ARHGAP21: variants seen among roughly 807,000 people sequenced by gnomAD.
ARHGAP21 encodes the protein Rho GTPase activating protein 21.
A neutral mutation model predicts 164.6 loss-of-function variants in ARHGAP21; 38 were observed. The ratio of observed to expected loss-of-function variants is 0.23; its 90% CI spans 0.18 to 0.30. The LOEUF (loss-of-function observed/expected upper bound fraction) is 0.30. ARHGAP21 is among the 10% of genes least tolerant of loss of function. The pLI is 1.00. For synonymous variants in ARHGAP21, 766 were observed against 857.9 expected, an observed-to-expected ratio of 0.89 and a Z score of 1.87; for missense variants, 1,822 against 2,370.7, an observed-to-expected ratio of 0.77 and a Z score of 4.81.
At chr10:24,706,834 T>G (rs79843635) in intron 2 of ARHGAP21, among the ~76,000 whole-genome samples, 2,677 of 152,352 alleles carry the variant, frequency 0.018, 70 homozygotes, top group African/African-American at 0.054. Flanking sequence ...ACTGAGTATT[T>G]AACATTATTT....
intron 2 of ARHGAP21, among the ~76,000 whole-genome samples, chr10:24,681,211 A>C (rs189047294): frequency 1.2e-3 from 187 of 152,358 alleles, no homozygotes; most frequent in Admixed American, 2.4e-3. Context: ...GACTGCAATG[A>C]AAGTTTCACA....
At chr10:24,605,212 G>A (rs970640020) in intron 11 of ARHGAP21, among the ~76,000 whole-genome samples, 9 of 152,144 alleles carry the variant, frequency 5.9e-5, no homozygotes, top group South Asian at 2.1e-4. Context: ...ACAGGGCACC[G>A]ATCACTTGCA....
intron 2 of ARHGAP21, among the ~76,000 whole-genome samples, chr10:24,686,670 T>C (rs148257683): frequency 7.9e-5 from 12 of 152,306 alleles, no homozygotes; most frequent in African/African-American, 2.6e-4. Context: ...TAGGAGCTGT[T>C]TAAATTTTTT....
At chr10:24,698,134 A>T (rs1339642482) in intron 2 of ARHGAP21, among the ~76,000 whole-genome samples, 6 of 152,170 alleles carry the variant, frequency 3.9e-5, no homozygotes, top group Admixed American at 2.0e-4. Flanking sequence ...ATTGAAAGTC[A>T]CTATGAATGG....
intron 2 of ARHGAP21, among the ~76,000 whole-genome samples, chr10:24,693,338 CTTT>C (rs1298784170): frequency 1.4e-5 from 2 of 146,238 alleles, no homozygotes; most frequent in Admixed American, 6.9e-5. Context: ...AAATCTAAAA[CTTT>C]TTTTTTTTTT....
At chr10:24,682,358 G>T (rs1593272781) in intron 2 of ARHGAP21, among the ~76,000 whole-genome samples, 1 of 152,196 alleles carries the variant, frequency 6.6e-6, no homozygotes. Flanking sequence ...AGGTGATGGA[G>T]CTAGCCCATG....
In ARHGAP21 at chr10:24,621,282, G is replaced by A. The variant is rs1834516928; in HGVS notation, c.613C>T (p.Pro205Ser). Reference sequence around the variant, plus strand: ...GCTGATGGGGCAGATGGCAGCCAGGGATAGCAGATTGGTGGAGGTTCAGGT... The same window carrying A: ...GCTGATGGGGCAGATGGCAGCCAGGAATAGCAGATTGGTGGAGGTTCAGGT... ...NIPEPPPICY[P>S]WLPSAPSAMA... The change falls in exon 9 of 26, where the codon CCC becomes TCC. Residue 205 changes from proline (P) to serine (S), a missense_variant. Pro to Ser is a moderately conservative substitution (Grantham distance 74). Around this residue, in one of 5 missense-constraint regions of ARHGAP21, gnomAD observed 1,090 missense variants for 1,378.9 expected, o/e 0.79. Transcript: ENST00000396432. The A allele has an allele frequency of 6.2e-7, 1 of 1,613,756 alleles. No homozygotes were observed. The highest frequency in any genetic ancestry group is 1.3e-5 in the African/African-American group (1 of 75,036).
In ARHGAP21 at chr10:24,584,807, T is replaced by C. The variant is rs771999132; in HGVS notation, c.5482A>G (p.Arg1828Gly). 1.2e-6 allele frequency: 2 copies of C among 1,613,956 alleles called. No individual in the cohort carries two copies. The highest frequency in any genetic ancestry group is 1.7e-5 in the Admixed American group (1 of 60,014). ...FWKVHEQSGE[R>G]ESELSAVNRL... ...TTTACAGCTGAAAGTTCAGATTCTC[T>C]CTCCCCGCTCTGCTCATGCACTTTC... The change falls in exon 26 of 26, where the codon AGA becomes GGA. Residue 1828 changes from arginine (R) to glycine (G), a missense_variant. Physicochemically the swap from Arg to Gly is moderately radical, Grantham distance 125 (BLOSUM62 -2). Transcript: ENST00000396432.
chr10:24,641,967 G>C (rs577473627), intron 4 of ARHGAP21, among the ~76,000 whole-genome samples: 2 of 150,078 alleles, frequency 1.3e-5, no homozygotes, highest in South Asian at 4.2e-4. Flanking sequence ...CTGCACTCCA[G>C]CCTGGGTGAC....
intron 2 of ARHGAP21, among the ~76,000 whole-genome samples, chr10:24,691,793 CAAT>C: frequency 6.6e-6 from 1 of 152,162 alleles, no homozygotes; most frequent in East Asian, 1.9e-4. Flanking sequence ...CAGAGAAGCC[CAAT>C]AATACCAGAG....
At chr10:24,628,806 C>CAT (rs1288020377) in intron 7 of ARHGAP21, among the ~76,000 whole-genome samples, 1,107 of 100,070 alleles carry the variant, frequency 0.011, 16 homozygotes, top group South Asian at 0.032. Flanking sequence ...CACATATATA[C>CAT]ATATATATAC....
chr10:24,711,113 AAAG>A, intron 2 of ARHGAP21, among the ~76,000 whole-genome samples: 1 of 134,658 alleles, frequency 7.4e-6, no homozygotes, highest in African/African-American at 2.8e-5. Context: ...AAAAAAAAAA[AAAG>A]GGAAGGAAGG....
intron 9 of ARHGAP21, 107 bp downstream of exon 9, chr10:24,619,365 TA>T: frequency 8.9e-7 from 1 of 1,126,928 alleles, no homozygotes; most frequent in Non-Finnish European, 1.2e-6. Context: ...AGAAACATTT[TA>T]AAATCACAGT....
chr10:24,701,277 T>C (rs1055938004), intron 2 of ARHGAP21, among the ~76,000 whole-genome samples: 8 of 152,202 alleles, frequency 5.3e-5, no homozygotes, highest in African/African-American at 1.9e-4. Context: ...GCCTCTTTGG[T>C]GTGGGTATCT....
chr10:24,639,890 T>C (rs1836810445), intron 4 of ARHGAP21, among the ~76,000 whole-genome samples: 1 of 148,792 alleles, frequency 6.7e-6, no homozygotes, highest in Non-Finnish European at 1.5e-5. Context: ...TTTTTAAATA[T>C]TATTTGAAAT....
In ARHGAP21 at chr10:24,633,443, A is replaced by G; in HGVS notation, c.399T>C (p.Ile133=). 1 of 1,611,856 alleles carries G rather than the reference A, an allele frequency of 6.2e-7. No homozygotes were observed. Among genetic ancestry groups the G allele is most frequent in the Non-Finnish European group, 8.5e-7 (1 of 1,178,980 alleles). Reference sequence around the variant, plus strand: ...CAATTACTTGGGAATAGGTTTTGCCAATAACACTTTCTCCATTGACTTTTA... The same window carrying G: ...CAATTACTTGGGAATAGGTTTTGCCGATAACACTTTCTCCATTGACTTTTA... ...RIIKVNGESV[I]GKTYSQVIAL... is the part of the protein sequence containing the mutation. Residue 133 remains isoleucine (I), a synonymous_variant, in exon 6 of 26, where the codon ATT becomes ATC. Coordinates refer to ENST00000396432, the MANE Select transcript of ARHGAP21 (RefSeq NM_020824.4).
intron 2 of ARHGAP21, among the ~76,000 whole-genome samples, chr10:24,696,437 G>A (rs933779700): frequency 2.6e-5 from 4 of 152,294 alleles, no homozygotes; most frequent in African/African-American, 7.2e-5. Flanking sequence ...AAGAGAGCCC[G>A]TTTTCGCCAA....
chr10:24,592,892 A>G (rs1307608542), intron 21 of ARHGAP21, among the ~76,000 whole-genome samples: 4 of 152,146 alleles, frequency 2.6e-5, no homozygotes, highest in African/African-American at 7.2e-5. Context: ...ATTATTTCTG[A>G]CCAATTTTTA....
chr10:24,705,383 GAAAC>G (rs998753920), intron 2 of ARHGAP21, among the ~76,000 whole-genome samples: 3 of 152,154 alleles, frequency 2.0e-5, no homozygotes, highest in African/African-American at 4.8e-5. Context: ...ATCTTACGGT[GAAAC>G]AAACAGAGAC....
Sources: allele counts gnomAD v4.1 joint callset (sites outside exome capture counted in the v4.1 genomes callset), GRCh38; gene constraint gnomAD v4.1.1; regional missense constraint gnomAD v4.1.1; transcripts MANE v1.5; gene names NCBI Gene and HGNC (gene_info 2026-07-23, HGNC 2026-07-21).